Variants in OSBPL3 observed in about 807,000 individuals in gnomAD.
The protein encoded by OSBPL3 is oxysterol binding protein like 3.
OSBPL3 carries 65 observed loss-of-function variants against 120.1 expected under a neutral mutation model. The observed-to-expected ratio is 0.54, with a 90% CI of 0.44 to 0.67. The LOEUF (loss-of-function observed/expected upper bound fraction) is 0.67. Ranked by LOEUF, OSBPL3 falls within the 30% of genes least tolerant of loss-of-function variation. The pLI, the probability that OSBPL3 is intolerant of heterozygous loss-of-function variation, is 0.00. For missense variants in OSBPL3, 1,004 were observed against 1,082.1 expected (o/e 0.93, Z 1.01); for synonymous variants, 416 against 402.6 (o/e 1.03, Z -0.40).
chr7:24,935,095 T>C (rs139235348), intron 1 of OSBPL3, among the ~76,000 whole-genome samples: 257 of 152,270 alleles, frequency 1.7e-3, no homozygotes, highest in African/African-American at 5.5e-3. Flanking sequence ...ATTTGATAAA[T>C]AATTTGTAGT....
intron 22 of OSBPL3, among the ~76,000 whole-genome samples, chr7:24,800,622 A>G (rs888273700): frequency 6.6e-6 from 1 of 151,578 alleles, no homozygotes; most frequent in Non-Finnish European, 1.5e-5. Flanking sequence ...ATGCCCGACT[A>G]ATTTTTGTAT....
At chr7:24,903,301 A>G (rs1258968223) in intron 1 of OSBPL3, among the ~76,000 whole-genome samples, 2 of 152,228 alleles carry the variant, frequency 1.3e-5, no homozygotes, top group Non-Finnish European at 2.9e-5. Flanking sequence ...AATAGCCTCT[A>G]GCTCACAGAA....
Position 24,872,448 on chromosome 7 carries a change from A to AGTGTGTGTGTGTGTGTGTGT in OSBPL3, c.97-399_97-380dup, listed in dbSNP as rs371127031. Among the ~76,000 whole-genome samples the AGTGTGTGTGTGTGTGTGTGT allele has an allele frequency of 2.8e-5, 4 of 144,890 alleles. No individual in the cohort carries two copies. The highest frequency in any genetic ancestry group is 2.2e-4 in the South Asian group (1 of 4,554). On this transcript the variant is annotated intron_variant, in intron 2 of 22. Coordinates refer to ENST00000313367, the MANE Select transcript of OSBPL3 (RefSeq NM_015550.4). The surrounding 1 kb of genome is among the most constrained non-coding windows in gnomAD (Gnocchi z 4.1). ...TCAGTCTGAATTTTAACCGAAAGAG[A>AGTGTGTGTGTGTGTGTGTGT]GTGTGTGTGTGTGTGTGTGTGTGTG...
Position 24,891,151 on chromosome 7 carries a change from T to C in OSBPL3, c.96+1226A>G, listed in dbSNP as rs551545421. On this transcript the variant is annotated intron_variant, in intron 2 of 22. Transcript: ENST00000313367. This position sits in a 1 kb window ranked among gnomAD's most constrained non-coding sequence, Gnocchi z 4.1. ...AAGAGGACAAGCACAGTGACCCTCA[T>C]GAAAACAGAACTGCAGGGAGCCATG... is the stretch of plus-strand genomic sequence containing the variant. Among the ~76,000 whole-genome samples, 2 of 151,982 alleles carry C rather than the reference T, an allele frequency of 1.3e-5. No homozygotes were observed. The highest frequency in any genetic ancestry group is 4.2e-4 in the South Asian group (2 of 4,816).
intron 13 of OSBPL3, among the ~76,000 whole-genome samples, chr7:24,841,138 A>G (rs995214442): frequency 6.6e-6 from 1 of 152,188 alleles, no homozygotes; most frequent in African/African-American, 2.4e-5. Flanking sequence ...AGTATCTTCT[A>G]TGGGAATTAA....
At chr7:24,890,477 T>G (rs888400861) in intron 2 of OSBPL3, among the ~76,000 whole-genome samples, 7 of 152,188 alleles carry the variant, frequency 4.6e-5, no homozygotes, top group African/African-American at 1.7e-4. Context: ...TGAAGGCAGA[T>G]TGGGTATGGG....
chr7:24,864,723 C>T (rs552158140), intron 7 of OSBPL3, among the ~76,000 whole-genome samples: 2 of 152,284 alleles, frequency 1.3e-5, no homozygotes, highest in South Asian at 2.1e-4. Context: ...CTCCCAGTCC[C>T]GCTGTGGATC....
chr7:24,804,999 ACATTTGAAT>A lies in OSBPL3; in HGVS notation c.2445-571_2445-563del, dbSNP rs1345552818. Among the ~76,000 whole-genome samples the A allele has an allele frequency of 2.0e-5, 3 of 152,354 alleles. No homozygotes were observed. Among genetic ancestry groups the A allele is most frequent in the East Asian group, 1.9e-4 (1 of 5,194 alleles). On this transcript the variant is annotated intron_variant, in intron 21 of 22. Transcript: ENST00000313367. The surrounding 1 kb of genome is among the most constrained non-coding windows in gnomAD (Gnocchi z 5.4). ...AATTTAGACAATTTCCTATGGATAG[ACATTTGAAT>A]CATTTGAATCATTTTAATGTGACAA...
In OSBPL3 at chr7:24,855,052, A is replaced by G. The variant is rs1404036191; in HGVS notation, c.1028-2418T>C. ...AAAATGCTTGTAAATAACTGCACACAGGGTAGAAATTCTAGGAATGAGGGG... is the reference window on the plus strand; with the variant it reads ...AAAATGCTTGTAAATAACTGCACACGGGGTAGAAATTCTAGGAATGAGGGG... On this transcript the variant is annotated intron_variant, in intron 10 of 22. Coordinates refer to ENST00000313367, the MANE Select transcript of OSBPL3 (RefSeq NM_015550.4). The surrounding 1 kb of genome is among the most constrained non-coding windows in gnomAD (Gnocchi z 4.3). Among the ~76,000 whole-genome samples the G allele has an allele frequency of 6.6e-6, 1 of 152,186 alleles. No individual in the cohort carries two copies. Among genetic ancestry groups the G allele is most frequent in the Non-Finnish European group, 1.5e-5 (1 of 68,032 alleles).
chr7:24,859,573 G>T (rs1468432881), intron 10 of OSBPL3, among the ~76,000 whole-genome samples: 1 of 152,116 alleles, frequency 6.6e-6, no homozygotes, highest in African/African-American at 2.4e-5. Flanking sequence ...CCATCTGTAA[G>T]AGCAGAGAAA....
rs377727563 is a variant in OSBPL3 at position 24,815,221 on chromosome 7, G to C, written c.2028-18C>G. 2 of 1,607,460 alleles carry C rather than the reference G, an allele frequency of 1.2e-6. No homozygotes were observed. The highest frequency in any genetic ancestry group is 1.7e-6 in the Non-Finnish European group (2 of 1,176,966). On this transcript the variant is annotated intron_variant, in intron 18 of 22. Coordinates refer to ENST00000313367, the MANE Select transcript of OSBPL3 (RefSeq NM_015550.4). The surrounding 1 kb of genome is among the most constrained non-coding windows in gnomAD (Gnocchi z 5.1). ...CCCCAAAACTAAAAAGAAGGAAAAA[G>C]TAGAAGTACCAATTTCTAGAAGAGC...
At position 24,835,920 on chromosome 7, in the gene OSBPL3, T is replaced by C. The variant is rs376990946; in HGVS notation, c.1496-1184A>G. Reference sequence around the variant, plus strand: ...CCAGGGCCTACTGGAATGTGGAGAGTGGGTGGAGGGTGGGTAGTGGGTGAG... The same window carrying C: ...CCAGGGCCTACTGGAATGTGGAGAGCGGGTGGAGGGTGGGTAGTGGGTGAG... On this transcript the variant is annotated intron_variant, in intron 14 of 22. Transcript: ENST00000313367. This position sits in a 1 kb window ranked among gnomAD's most constrained non-coding sequence, Gnocchi z 4.8. Among the ~76,000 whole-genome samples the C allele has an allele frequency of 6.8e-5, 10 of 147,644 alleles. No homozygotes were observed. In the East Asian group the frequency reaches 1.6e-3, roughly 24 times the overall value.
At chr7:24,906,378 C>G (rs868834709) in intron 1 of OSBPL3, 1 of 258,784 alleles carries the variant, frequency 3.9e-6, no homozygotes, top group Non-Finnish European at 7.9e-6. Flanking sequence ...GGATCATTGC[C>G]CCTGCTGGGG....
In OSBPL3 at chr7:24,881,150, A is replaced by G. The variant is rs1803629413; in HGVS notation, c.97-9081T>C. 6.6e-6 allele frequency among the ~76,000 whole-genome samples: 1 copy of G among 152,228 alleles called. No homozygotes were observed. Among genetic ancestry groups the G allele is most frequent in the Non-Finnish European group, 1.5e-5 (1 of 68,040 alleles). On this transcript the variant is annotated intron_variant, in intron 2 of 22. Coordinates refer to ENST00000313367, the MANE Select transcript of OSBPL3 (RefSeq NM_015550.4). This position sits in a 1 kb window ranked among gnomAD's most constrained non-coding sequence, Gnocchi z 4.3. ...ATTGAAATTTGCAATCAAAGCAGAGATACATTCTGACTAATCAACACATGC... is the reference window on the plus strand; with the variant it reads ...ATTGAAATTTGCAATCAAAGCAGAGGTACATTCTGACTAATCAACACATGC...
Position 24,815,279 on chromosome 7 carries a change from A to G in OSBPL3, c.2028-76T>C, listed in dbSNP as rs1172166553. The G allele has an allele frequency of 1.7e-6, 2 of 1,194,396 alleles. No individual in the cohort carries two copies. The highest frequency in any genetic ancestry group is 3.0e-5 in the African/African-American group (2 of 66,604). 74.0% of individuals were successfully genotyped at this position (1,194,396 alleles called of 1,614,324 possible). ...AAATGCAAACAAACTCTGCTCTTTT[A>G]TAAAATAAGTCATGCAATGCATTAT... is the stretch of plus-strand genomic sequence containing the variant. On this transcript the variant is annotated intron_variant, in intron 18 of 22. Coordinates refer to ENST00000313367, the MANE Select transcript of OSBPL3 (RefSeq NM_015550.4). This position sits in a 1 kb window ranked among gnomAD's most constrained non-coding sequence, Gnocchi z 5.1.
rs1795449028 is a variant in OSBPL3 at position 24,824,333 on chromosome 7, A to C, written c.1885-4095T>G. ...CATTTTTAATTTATGCTTTGAATGCACTTTATATAAGAGGTCAGGGGAGAA... is the reference window on the plus strand; with the variant it reads ...CATTTTTAATTTATGCTTTGAATGCCCTTTATATAAGAGGTCAGGGGAGAA... On this transcript the variant is annotated intron_variant, in intron 16 of 22. Transcript: ENST00000313367. This position sits in a 1 kb window ranked among gnomAD's most constrained non-coding sequence, Gnocchi z 4.9. Among the ~76,000 whole-genome samples, 1 of 152,160 alleles carries C rather than the reference A, an allele frequency of 6.6e-6. No individual in the cohort carries two copies. Among genetic ancestry groups the C allele is most frequent in the Non-Finnish European group, 1.5e-5 (1 of 68,028 alleles).
At chr7:24,962,006 C>G (rs188675572) in intron 1 of OSBPL3, among the ~76,000 whole-genome samples, 8 of 152,126 alleles carry the variant, frequency 5.3e-5, no homozygotes, top group African/African-American at 1.9e-4. Context: ...CATCAACCTT[C>G]CTGTTGTTTA....
intron 2 of OSBPL3, among the ~76,000 whole-genome samples, chr7:24,876,549 A>T (rs1371529439): frequency 6.6e-6 from 1 of 152,060 alleles, no homozygotes; most frequent in Non-Finnish European, 1.5e-5. Context: ...ATTTAGTAGG[A>T]ACTAAGAGAT....
rs1793063880 is a variant in OSBPL3 at position 24,806,536 on chromosome 7, AC to A, written c.2444+239del. Among the ~76,000 whole-genome samples the A allele has an allele frequency of 6.6e-6, 1 of 152,178 alleles. No individual in the cohort carries two copies. The highest frequency in any genetic ancestry group is 2.1e-4 in the South Asian group (1 of 4,826). On this transcript the variant is annotated intron_variant, in intron 21 of 22. Transcript: ENST00000313367. The surrounding 1 kb of genome is among the most constrained non-coding windows in gnomAD (Gnocchi z 5.2). ...TGCAGTAAAACTCTTCAAAATAAAC[AC>A]CTTTTTTGGCATTTCAATGCAAATG...
Sources: gnomAD v4.1 joint callset for allele counts (sites outside exome capture counted in the v4.1 genomes callset) on GRCh38, gnomAD v4.1.1 for gene constraint, Gnocchi (gnomAD v3.1) non-coding constraint, MANE v1.5 for transcripts, NCBI Gene and HGNC (gene_info 2026-07-23, HGNC 2026-07-21) for gene names.